The following MMP24OS variants were observed in gnomAD, a reference collection of about 807,000 sequenced individuals.
MMP24OS encodes the protein protein MMP24OS.
chr20:35,277,425 G>T lies in MMP24OS; in HGVS notation c.*289C>A. On this transcript the variant is annotated 3_prime_UTR_variant, in exon 2 of 2. Coordinates refer to ENST00000456790, the MANE Select transcript of MMP24OS (RefSeq NM_001355003.2). ...GTCCTGCCTCTGGAAGCCAGCGACA[G>T]AGAGGGATGCCCCCGACCCAGCCAG... The T allele has an allele frequency of 2.8e-6, 1 of 358,756 alleles. No individual in the cohort carries two copies. Among genetic ancestry groups the T allele is most frequent in the Admixed American group, 4.7e-5 (1 of 21,400 alleles). 22.2% of individuals were successfully genotyped at this position (358,756 alleles called of 1,614,324 possible).
Sources: gnomAD v4.1 joint callset for allele counts on GRCh38, gnomAD v4.1.1 for gene constraint, MANE v1.5 for transcripts, NCBI Gene and HGNC (gene_info 2026-07-23, HGNC 2026-07-21) for gene names.